The following TBXAS1 variants were observed in gnomAD, a reference collection of about 807,000 sequenced individuals.
The protein encoded by TBXAS1 is thromboxane-A synthase.
Under a neutral mutation model 60.7 loss-of-function variants are expected in TBXAS1, and 48 were observed. The observed-to-expected ratio is 0.79, with a 90% CI of 0.63 to 1.01. The LOEUF is 1.01. Ranked by LOEUF, TBXAS1 falls within the 50% of genes least tolerant of loss-of-function variation. The pLI is 0.00. For synonymous variants in TBXAS1, 287 were observed against 269.7 expected (o/e 1.06, Z -0.63); for missense variants, 685 against 686.3 (o/e 1.00, Z 0.02).
intron 9 of TBXAS1, among the ~76,000 whole-genome samples, chr7:139,978,065 G>A (rs1049476007): frequency 2.6e-5 from 4 of 152,134 alleles, no homozygotes; most frequent in African/African-American, 7.2e-5. Context: ...CTCAGTCTGT[G>A]GCTTGTGGCC....
chr7:139,796,509 A>C (rs1797576640), intron 4 of TBXAS1, among the ~76,000 whole-genome samples: 1 of 152,234 alleles, frequency 6.6e-6, no homozygotes, highest in African/African-American at 2.4e-5. Flanking sequence ...CACGTGGAGC[A>C]CAGATGATTT....
chr7:139,924,643 A>G (rs1806745305), intron 4 of TBXAS1, among the ~76,000 whole-genome samples: 1 of 152,118 alleles, frequency 6.6e-6, no homozygotes, highest in African/African-American at 2.4e-5. Flanking sequence ...TTTGCTGTGC[A>G]GAAGTTTTTT....
At chr7:139,987,505 T>C (rs8192851) in intron 9 of TBXAS1, among the ~76,000 whole-genome samples, 2 of 152,164 alleles carry the variant, frequency 1.3e-5, no homozygotes, top group African/African-American at 2.4e-5. Context: ...CATTTTACTC[T>C]TTCCAGCCTG....
chr7:139,853,348 A>T (rs1201097851), intron 1 of TBXAS1, among the ~76,000 whole-genome samples: 1 of 152,166 alleles, frequency 6.6e-6, no homozygotes, highest in East Asian at 1.9e-4. Context: ...GTAAAGTGAG[A>T]AACAGTAGGG....
chr7:139,960,158 C>T (rs1810216072), intron 8 of TBXAS1, among the ~76,000 whole-genome samples: 1 of 152,164 alleles, frequency 6.6e-6, no homozygotes, highest in African/African-American at 2.4e-5. Flanking sequence ...AGGTCTGTGG[C>T]ACCCATAGTC....
intron 9 of TBXAS1, among the ~76,000 whole-genome samples, chr7:139,998,113 C>T (rs554067744): frequency 6.6e-6 from 1 of 152,164 alleles, no homozygotes; most frequent in Admixed American, 6.5e-5. Flanking sequence ...GAAGGCAGAC[C>T]GAAAAGCCTG....
rs751090270 is a variant in TBXAS1, at chr7:139,829,365, C to A, written c.-26C>A. ...CAGCCTCCTGTCTCATCTGGAAGAC[C>A]ACCACTCTGGGGTCTCAGAGGAATG... On this transcript the variant is annotated 5_prime_UTR_variant, in exon 1 of 13. Transcript: ENST00000448866. 6.2e-7 allele frequency: 1 copy of A among 1,608,762 alleles called. No individual in the cohort carries two copies. The highest frequency in any genetic ancestry group is 1.7e-5 in the Admixed American group (1 of 59,548).
intron 5 of TBXAS1, among the ~76,000 whole-genome samples, chr7:139,942,760 C>T (rs930873954): frequency 1.3e-4 from 20 of 152,310 alleles, no homozygotes; most frequent in South Asian, 1.2e-3. Context: ...GCTGGTATCT[C>T]GCACAGCACT....
intron 3 of TBXAS1, among the ~76,000 whole-genome samples, chr7:139,885,811 T>C (rs548701450): frequency 1.9e-3 from 286 of 152,316 alleles, no homozygotes; most frequent in African/African-American, 6.6e-3. Context: ...TAAATCTTGT[T>C]ACTCACATAG....
intron 6 of TBXAS1, chr7:139,953,659 C>T (rs1367732892): frequency 7.2e-6 from 4 of 555,134 alleles, no homozygotes; most frequent in East Asian, 3.4e-5. Context: ...AGGGTACGTG[C>T]GTCCTGTCGA....
rs563622234 is a variant in TBXAS1, at chr7:139,959,931, G to A, written c.820-1988G>A. On this transcript the variant is annotated intron_variant, in intron 8 of 12. Transcript: ENST00000448866. ...TGACCCTGCCCCAGCTCTGCTCCAT[G>A]GGAGCAGGGCCAGCAGTGGGACCAC... 1.6e-3 allele frequency among the ~76,000 whole-genome samples: 239 copies of A among 152,274 alleles called. 1 individual carries two copies. Among genetic ancestry groups the A allele is most frequent in the Non-Finnish European group, 3.0e-3 (202 of 68,016 alleles).
intron 5 of TBXAS1, among the ~76,000 whole-genome samples, chr7:139,938,361 G>A (rs1807980787): frequency 6.6e-6 from 1 of 152,148 alleles, no homozygotes; most frequent in Non-Finnish European, 1.5e-5. Flanking sequence ...GCCTGGGTTT[G>A]AGGATATTTT....
chr7:139,844,258 C>T (rs1799658581), intron 1 of TBXAS1, among the ~76,000 whole-genome samples: 1 of 152,182 alleles, frequency 6.6e-6, no homozygotes, highest in South Asian at 2.1e-4. Context: ...GAAGAACAGA[C>T]ACTTTCTCCT....
intron 9 of TBXAS1, among the ~76,000 whole-genome samples, chr7:139,993,163 A>T (rs556730186): frequency 3.4e-4 from 51 of 152,098 alleles, no homozygotes; most frequent in Non-Finnish European, 6.3e-4. Context: ...CCTGGGAGAG[A>T]GTGAGACTCG....
chr7:139,801,805 C>A (rs1224256279), intron 4 of TBXAS1, among the ~76,000 whole-genome samples: 1 of 152,020 alleles, frequency 6.6e-6, no homozygotes, highest in Non-Finnish European at 1.5e-5. Flanking sequence ...CTTTTGTCAC[C>A]CAGGCTAGAG....
At chr7:139,863,337 GAT>G (rs1402746161) in intron 1 of TBXAS1, among the ~76,000 whole-genome samples, 3 of 152,156 alleles carry the variant, frequency 2.0e-5, no homozygotes, top group East Asian at 3.8e-4. Context: ...ACACCAGCCA[GAT>G]ATTTATGTAT....
rs1804087086 is a variant in TBXAS1, at chr7:139,896,328, T to C, written c.237-14897T>C. Among the ~76,000 whole-genome samples the C allele has an allele frequency of 6.6e-6, 1 of 152,190 alleles. No homozygotes were observed. Among genetic ancestry groups the C allele is most frequent in the Non-Finnish European group, 1.5e-5 (1 of 68,038 alleles). ...AAGAGGGGCAGGTGACCCGACTGTC[T>C]GAAGTTTTCCAAACTAACAAGAGGG... On this transcript the variant is annotated intron_variant, in intron 3 of 12. Transcript: ENST00000448866. This position sits in a 1 kb window ranked among gnomAD's most constrained non-coding sequence, Gnocchi z 4.0.
At chr7:139,937,661 T>C (rs1484332574) in intron 5 of TBXAS1, among the ~76,000 whole-genome samples, 2 of 152,144 alleles carry the variant, frequency 1.3e-5, no homozygotes, top group African/African-American at 4.8e-5. Context: ...ATAAATACCA[T>C]CATCCTTATT....
chr7:139,889,206 C>T lies in TBXAS1; in HGVS notation c.236+13569C>T, dbSNP rs184982197. On this transcript the variant is annotated intron_variant, in intron 3 of 12. Transcript: ENST00000448866. Reference sequence around the variant, plus strand: ...AATTAGCTGGGTGTGGTGGCATGTGCGCCTGTTGTCCCAAGTACTTTGGAG... The same window carrying T: ...AATTAGCTGGGTGTGGTGGCATGTGTGCCTGTTGTCCCAAGTACTTTGGAG... Among the ~76,000 whole-genome samples, 58 of 151,566 alleles carry T rather than the reference C, an allele frequency of 3.8e-4. 1 individual carries two copies. In the South Asian group the frequency reaches 1.0e-2, roughly 26 times the overall value.
Sources: gnomAD v4.1 joint callset for allele counts (sites outside exome capture counted in the v4.1 genomes callset) on GRCh38, gnomAD v4.1.1 for gene constraint, Gnocchi (gnomAD v3.1) non-coding constraint, MANE v1.5 for transcripts, NCBI Gene and HGNC (gene_info 2026-07-23, HGNC 2026-07-21) for gene names.